The following TBX1 variants were observed in gnomAD, a reference collection of about 807,000 sequenced individuals.
TBX1 encodes T-box transcription factor TBX1.
Under a neutral mutation model 40.8 loss-of-function variants are expected in TBX1, and 16 were observed. The ratio of observed to expected loss-of-function variants is 0.39; its 90% confidence interval spans 0.27 to 0.60. TBX1 has a LOEUF of 0.60. TBX1 is among the 20% of genes least tolerant of loss of function. The probability of loss-of-function intolerance (pLI) is 0.51; values close to 1 mark genes in which losing one functional copy is unlikely to be tolerated. For missense variants in TBX1, 755 were observed against 728.5 expected, an observed-to-expected ratio of 1.04 and a Z score of -0.42; for synonymous variants, 403 against 336.8, an observed-to-expected ratio of 1.20 and a Z score of -2.15.
chr22:19,758,197 G>A (rs560033067), upstream of TBX1, among the ~76,000 whole-genome samples: 40 of 152,280 alleles, frequency 2.6e-4, 1 homozygote, highest in African/African-American at 9.6e-4. Context: ...CCCTGGGAGA[G>A]GTTGCCTGCC....
chr22:19,781,567 T>A (rs1388516324), downstream of TBX1, among the ~76,000 whole-genome samples: 1 of 126,166 alleles, frequency 7.9e-6, no homozygotes, highest in Non-Finnish European at 1.9e-5. Flanking sequence ...AGTTTGTCTA[T>A]TTTTTTCTTT....
At chr22:19,769,899 C>T (rs1569026982), downstream of TBX1, among the ~76,000 whole-genome samples, 1 of 152,266 alleles carries the variant, frequency 6.6e-6, no homozygotes, top group East Asian at 1.9e-4. Context: ...GGTCATTTGT[C>T]CTAGCTGCAC....
upstream of TBX1, chr22:19,759,628 A>C (rs1601279923): frequency 6.2e-7 from 1 of 1,612,026 alleles, no homozygotes; most frequent in Non-Finnish European, 8.5e-7. Flanking sequence ...GCTGGCTGCC[A>C]GGATCCCCGG....
chr22:19,776,700 A>G (rs894466020), intron 8 of TBX1, among the ~76,000 whole-genome samples: 3 of 152,200 alleles, frequency 2.0e-5, no homozygotes, highest in African/African-American at 7.2e-5. Flanking sequence ...AAGGGATGGA[A>G]GCAGAGGCTG....
At chr22:19,759,504 GGAGCCCGCTGTCTCCCC>G, upstream of TBX1, 1 of 1,500,386 alleles carries the variant, frequency 6.7e-7, no homozygotes, top group Non-Finnish European at 8.9e-7. Flanking sequence ...ATGGACGCGC[GGAGCCCGCTGTCTCCCC>G]GAGCCAGTGC....
intron 1 of TBX1, among the ~76,000 whole-genome samples, chr22:19,761,657 C>T (rs796941968): frequency 3.9e-5 from 6 of 152,312 alleles, no homozygotes; most frequent in African/African-American, 1.4e-4. Flanking sequence ...GGGGCCTCAC[C>T]GCCCGGCCGA....
rs1601292180 is a variant in TBX1 at position 19,765,778 on chromosome 22, C to T, written c.888C>T (p.Ala296=). Residue 296 remains alanine (A), a synonymous_variant, in exon 5 of 7, where the codon GCC becomes GCT. Transcript: ENST00000649276. The part of the protein sequence containing the change: ...QNHRITQLKI[A]SNPFAKGFRD... ...TGCAGATCACGCAGCTCAAGATTGC[C>T]AGCAATCCCTTCGCGAAAGGCTTCC... 6.2e-7 allele frequency: 1 copy of T among 1,612,038 alleles called. No homozygotes were observed. Among genetic ancestry groups the T allele is most frequent in the Non-Finnish European group, 8.5e-7 (1 of 1,179,396 alleles).
chr22:19,761,021 G>A lies in TBX1; in HGVS notation c.178G>A (p.Asp60Asn). 2.2e-6 allele frequency: 2 copies of A among 902,326 alleles called. No individual in the cohort carries two copies. The highest frequency in any genetic ancestry group is 2.6e-6 in the Non-Finnish European group (2 of 757,766). 55.9% of individuals were successfully genotyped at this position (902,326 alleles called of 1,614,324 possible). Residue 60 changes from aspartate (D) to asparagine (N), a missense_variant, in exon 1 of 7, where the codon GAC becomes AAC. Asp to Asn is a conservative substitution (Grantham distance 23, BLOSUM62 1). Coordinates refer to ENST00000649276, the MANE Select transcript of TBX1 (RefSeq NM_001379200.1). ...REPPPPPPRYDPCAAAAPGAP... is the reference protein window; with the variant it reads ...REPPPPPPRYNPCAAAAPGAP... ...GCCCCCGCCGCCGCCGCCGCGCTACGACCCGTGCGCCGCCGCCGCCCCCGG... is the reference window on the plus strand; with the variant it reads ...GCCCCCGCCGCCGCCGCCGCGCTACAACCCGTGCGCCGCCGCCGCCCCCGG...
At chr22:19,759,795 C>T, upstream of TBX1, 2 of 1,226,408 alleles carry the variant, frequency 1.6e-6, no homozygotes, top group Non-Finnish European at 2.3e-6. Context: ...CTCCAGGCTT[C>T]TGGCTGCGAT....
rs1936652024 is a variant in TBX1, at chr22:19,761,286, G to A, written c.437+6G>A. On this transcript the variant is annotated splice_donor_region_variant and intron_variant, in intron 1 of 6. Transcript: ENST00000649276. The stretch of plus-strand genomic sequence containing the variant: ...ATCGTCACCAAGGCCGGCAGGTCAG[G>A]GCGCCCCTCCCCACGCCGCGACCCT... The A allele has an allele frequency of 6.5e-7, 1 of 1,544,220 alleles. No homozygotes were observed. Among genetic ancestry groups the A allele is most frequent in the Non-Finnish European group, 8.8e-7 (1 of 1,142,576 alleles).
chr22:19,774,364 G>T (rs780759067), intron 8 of TBX1, among the ~76,000 whole-genome samples: 2 of 152,190 alleles, frequency 1.3e-5, no homozygotes, highest in African/African-American at 4.8e-5. Flanking sequence ...AGTGAGCTAC[G>T]ATCACACCAC....
Position 19,764,315 on chromosome 22 carries a change from G to A in TBX1, c.700G>A (p.Asp234Asn), listed in dbSNP as rs765827737. Residue 234 changes from aspartate (D) to asparagine (N), a missense_variant, in exon 3 of 7, where the codon GAC (aspartate) becomes AAC (asparagine). This residue lies in a region of TBX1 where 144 missense variants were observed against 238.0 expected (regional missense o/e 0.61). Transcript: ENST00000649276. ...CAAGCTGACCAACAACCTACTGGAC[G>A]ACAACGGCCACGTGAGCGACTGCCT... ...KLKLTNNLLD[D>N]NGHIILNSMH... 6.2e-6 allele frequency: 10 copies of A among 1,612,116 alleles called. No homozygotes were observed. Among genetic ancestry groups the A allele is most frequent in the Non-Finnish European group, 7.6e-6 (9 of 1,179,916 alleles).
exon 9 of TBX1, chr22:19,779,398 T>A (rs375709966): frequency 1.2e-6 from 2 of 1,614,206 alleles, no homozygotes; most frequent in Non-Finnish European, 1.7e-6. Flanking sequence ...CAGGTGACCG[T>A]CTTTGTTGAA....
intron 8 of TBX1, among the ~76,000 whole-genome samples, chr22:19,775,018 C>T (rs551553410): frequency 6.6e-5 from 10 of 152,314 alleles, no homozygotes; most frequent in African/African-American, 2.4e-4. Flanking sequence ...GGTTCAGGCT[C>T]TCCTTCCACC....
At chr22:19,763,844 C>G (rs1936745894) in intron 2 of TBX1, 1 of 518,874 alleles carries the variant, frequency 1.9e-6, no homozygotes, top group African/African-American at 1.9e-5. Flanking sequence ...CAAGTGTGGG[C>G]TCCCACCGCA....
At chr22:19,759,367 A>C, upstream of TBX1, 2 of 491,486 alleles carry the variant, frequency 4.1e-6, no homozygotes, top group Non-Finnish European at 5.3e-6. Flanking sequence ...CCTCTGGGCC[A>C]GGGGCCCCTG....
chr22:19,777,585 G>A (rs1026368717), intron 8 of TBX1, among the ~76,000 whole-genome samples: 1 of 152,084 alleles, frequency 6.6e-6, no homozygotes, highest in African/African-American at 2.4e-5. Context: ...CAGTAATGGG[G>A]TGGCTGAGTT....
intron 6 of TBX1, 101 bp from the exon 7 acceptor site, chr22:19,766,288 A>G: frequency 8.4e-7 from 1 of 1,196,978 alleles, no homozygotes; most frequent in Non-Finnish European, 1.0e-6. Flanking sequence ...GGGAACACCG[A>G]GGGCGGCCAA....
Position 19,766,991 on chromosome 22 carries a change from C to G in TBX1, c.*124C>G. The G allele has an allele frequency of 2.8e-6, 4 of 1,430,284 alleles. No homozygotes were observed. The highest frequency in any genetic ancestry group is 3.7e-6 in the Non-Finnish European group (4 of 1,093,534). The allele number at this position is 1,430,284 out of a possible 1,614,324, so 88.6% of individuals were successfully genotyped here. ...CAGCCCCAGGGGCCACCGCGGCTCTCCCCTTCCCCAGCCTCGAAGCCATGG... is the reference window on the plus strand; with the variant it reads ...CAGCCCCAGGGGCCACCGCGGCTCTGCCCTTCCCCAGCCTCGAAGCCATGG... On this transcript the variant is annotated 3_prime_UTR_variant, in exon 7 of 7. Transcript: ENST00000649276.
Sources: allele counts gnomAD v4.1 joint callset (sites outside exome capture counted in the v4.1 genomes callset), GRCh38; gene constraint gnomAD v4.1.1; regional missense constraint gnomAD v4.1.1; transcripts MANE v1.5; gene names NCBI Gene and HGNC (gene_info 2026-07-23, HGNC 2026-07-21).